SYNE2: variants seen among roughly 807,000 people sequenced by gnomAD.
SYNE2 encodes the protein spectrin repeat containing nuclear envelope protein 2.
In SYNE2, 431 loss-of-function variants were observed where a neutral mutation model predicts 856.3. The observed-to-expected ratio is 0.50, with a 90% CI of 0.47 to 0.55. The LOEUF is 0.55. Ranked by LOEUF, SYNE2 falls within the 20% of genes least tolerant of loss-of-function variation. The probability of loss-of-function intolerance (pLI) is 0.00; values close to 1 mark genes in which losing one functional copy is unlikely to be tolerated. For synonymous variants in SYNE2, 2,923 were observed against 2,872.3 expected (o/e 1.02, Z -0.56); for missense variants, 8,129 against 8,023.2 (o/e 1.01, Z -0.50).
chr14:64,224,918 A>T, intron 114 of SYNE2, 81 bp from the exon 115 acceptor site: 1 of 1,306,454 alleles, frequency 7.7e-7, no homozygotes, highest in South Asian at 1.2e-5. Context: ...TATATAATTT[A>T]AGGGAGGATT....
intron 1 of SYNE2, among the ~76,000 whole-genome samples, chr14:63,885,692 C>T (rs1336813066): frequency 6.6e-6 from 1 of 152,140 alleles, no homozygotes; most frequent in Non-Finnish European, 1.5e-5. Context: ...GCCTCAAACT[C>T]CTGGGCTCAA....
intron 100 of SYNE2, among the ~76,000 whole-genome samples, chr14:64,207,468 G>C (rs2098611203): frequency 1.3e-5 from 2 of 151,928 alleles, no homozygotes; most frequent in South Asian, 4.2e-4. Flanking sequence ...GGCTGATGTG[G>C]GAGGATCACT....
At chr14:64,223,163 G>A (rs373200832) in intron 112 of SYNE2, 26 bp from the exon 113 acceptor site, 4 of 1,612,456 alleles carry the variant, frequency 2.5e-6, no homozygotes, top group Non-Finnish European at 3.4e-6. Context: ...ACAGGTCACT[G>A]TTTCACACAC....
Position 64,000,518 on chromosome 14 carries a change from A to G in SYNE2, c.3481-44A>G, listed in dbSNP as rs116042907. 1.9e-3 allele frequency: 2,965 copies of G among 1,550,156 alleles called. 51 individuals carry two copies. The African/African-American group carries it at 0.035, about 19-fold the overall frequency. The stretch of plus-strand genomic sequence containing the variant: ...TTTTAAGAACAGAATAATTGTGTCT[A>G]TTAACCCCATTAGTTGATAAATTAA... On this transcript the variant is annotated intron_variant, in intron 27 of 115. Coordinates refer to ENST00000555002, the MANE Select transcript of SYNE2 (RefSeq NM_182914.3).
chr14:64,066,221 C>A lies in SYNE2; in HGVS notation c.10431+571C>A, dbSNP rs771889553. Among the ~76,000 whole-genome samples the A allele has an allele frequency of 2.6e-5, 4 of 152,076 alleles. No individual in the cohort carries two copies. The South Asian group carries it at 8.3e-4, about 32-fold the overall frequency. On this transcript the variant is annotated intron_variant, in intron 51 of 115. Transcript: ENST00000555002. ...ATTAATTTAGAAAGTTAAAGATAGC[C>A]GGGTGCAGTGGTTCACCTATGTAAT...
At chr14:64,145,990 T>C (rs2098183030) in intron 83 of SYNE2, 78 bp from the exon 84 acceptor site, 2 of 1,080,294 alleles carry the variant, frequency 1.9e-6, no homozygotes, top group Non-Finnish European at 2.5e-6. Context: ...CAAAATTGTT[T>C]TTTAAAAAAT....
intron 1 of SYNE2, among the ~76,000 whole-genome samples, chr14:63,865,721 C>CA (rs1197214051): frequency 8.5e-6 from 1 of 117,644 alleles, no homozygotes; most frequent in Non-Finnish European, 1.8e-5. Context: ...CCCACCCCCC[C>CA]CCCAAAAAAA....
chr14:63,957,338 G>A (rs1370875140), intron 8 of SYNE2, among the ~76,000 whole-genome samples: 2 of 141,216 alleles, frequency 1.4e-5, no homozygotes, highest in African/African-American at 5.2e-5. Context: ...GCGTGATCTT[G>A]GCTCACCGCA....
In SYNE2 at chr14:63,982,694, T is replaced by A; in HGVS notation, c.1901T>A (p.Phe634Tyr). The change falls in exon 17 of 116, where the codon TTC (phenylalanine) becomes TAC (tyrosine). Residue 634 changes from phenylalanine (F) to tyrosine (Y), a missense_variant. Phe to Tyr is a conservative substitution (Grantham distance 22). Coordinates refer to ENST00000555002, the MANE Select transcript of SYNE2 (RefSeq NM_182914.3). ...EHATLNEAGN[F>Y]LVEVSNDVVG... ...GCTACTTTAAATGAAGCAGGAAATT[T>A]CTTAGTCGAAGTCAGCAATGATGTG... The A allele has an allele frequency of 6.2e-7, 1 of 1,614,094 alleles. No individual in the cohort carries two copies. The highest frequency in any genetic ancestry group is 8.5e-7 in the Non-Finnish European group (1 of 1,179,986).
At chr14:64,053,719 C>A (rs1392958534) in intron 48 of SYNE2, 62 bp downstream of exon 48, 11 of 1,541,170 alleles carry the variant, frequency 7.1e-6, no homozygotes. Context: ...GTAATCCCAG[C>A]ATTTTGGGAG....
rs372064007 is a variant in SYNE2 at position 64,140,089 on chromosome 14, A to G, written c.14976+16A>G. 30 of 1,610,472 alleles carry G rather than the reference A, an allele frequency of 1.9e-5. No homozygotes were observed. In the African/African-American group the frequency reaches 2.9e-4, roughly 16 times the overall value. On this transcript the variant is annotated intron_variant, in intron 80 of 115. Coordinates refer to ENST00000555002, the MANE Select transcript of SYNE2 (RefSeq NM_182914.3). ...CAATTTTTTTGTAAGTTGTAATAGC[A>G]TATGTTCAGTTAATTACTGGTCAGA...
At chr14:64,172,719 C>T (rs2098416764) in intron 94 of SYNE2, among the ~76,000 whole-genome samples, 1 of 151,942 alleles carries the variant, frequency 6.6e-6, no homozygotes, top group Non-Finnish European at 1.5e-5. Flanking sequence ...ATCCCTTGAG[C>T]CCAGTTTGAG....
chr14:64,176,388 T>C (rs148601397), intron 95 of SYNE2, among the ~76,000 whole-genome samples: 1 of 152,332 alleles, frequency 6.6e-6, no homozygotes, highest in East Asian at 1.9e-4. Flanking sequence ...ATGATAATAC[T>C]TTCCTTGTCT....
chr14:64,123,292 T>C (rs2153668489), intron 70 of SYNE2, among the ~76,000 whole-genome samples: 1 of 152,264 alleles, frequency 6.6e-6, no homozygotes, highest in South Asian at 2.1e-4. Flanking sequence ...TGTCAGTCAC[T>C]ACTGTCTCTC....
chr14:64,184,891 A>G (rs1164019351), intron 96 of SYNE2, among the ~76,000 whole-genome samples: 3 of 152,260 alleles, frequency 2.0e-5, no homozygotes, highest in East Asian at 1.9e-4. Context: ...ATGCCAGTGT[A>G]GCTTTTAGAA....
At chr14:63,777,638 A>G (rs944945605) in intron 1 of SYNE2, among the ~76,000 whole-genome samples, 1 of 152,212 alleles carries the variant, frequency 6.6e-6, no homozygotes, top group African/African-American at 2.4e-5. Context: ...ATAGTGGAGT[A>G]GTTTGTATTG....
intron 1 of SYNE2, among the ~76,000 whole-genome samples, chr14:63,780,378 A>T (rs904810388): frequency 1.3e-5 from 2 of 152,122 alleles, no homozygotes; most frequent in African/African-American, 4.8e-5. Flanking sequence ...TACTAAAAAT[A>T]CAAAACTTAG....
chr14:64,147,096 C>T lies in SYNE2; in HGVS notation c.15639+873C>T, dbSNP rs2098194417. Among the ~76,000 whole-genome samples the T allele has an allele frequency of 2.6e-5, 4 of 152,204 alleles. No homozygotes were observed. In the South Asian group the frequency reaches 8.3e-4, roughly 32 times the overall value. ...TTACTGGAAGCCTACATTCCGCAGC[C>T]TGGTGCTGGCCTGTCCCCTAGTAGG... On this transcript the variant is annotated intron_variant, in intron 84 of 115. Coordinates refer to ENST00000555002, the MANE Select transcript of SYNE2 (RefSeq NM_182914.3).
At chr14:64,123,153 A>G (rs967599474) in intron 70 of SYNE2, among the ~76,000 whole-genome samples, 2 of 151,974 alleles carry the variant, frequency 1.3e-5, no homozygotes, top group Non-Finnish European at 1.5e-5. Context: ...AGTGTCATTC[A>G]TTCATCAGAA....
Sources: allele counts gnomAD v4.1 joint callset (sites outside exome capture counted in the v4.1 genomes callset), GRCh38; gene constraint gnomAD v4.1.1; transcripts MANE v1.5; gene names NCBI Gene and HGNC (gene_info 2026-07-23, HGNC 2026-07-21).